The following SAFB2 variants were observed in gnomAD, a reference collection of about 807,000 sequenced individuals.
SAFB2 encodes scaffold attachment factor B2.
SAFB2 carries 32 observed loss-of-function variants against 100.6 expected under a neutral mutation model. The ratio of observed to expected loss-of-function variants is 0.32; its 90% CI spans 0.24 to 0.43. The LOEUF (loss-of-function observed/expected upper bound fraction) is 0.43. Ranked by LOEUF, SAFB2 falls within the 20% of genes least tolerant of loss-of-function variation. The pLI is 1.00. For synonymous variants in SAFB2, 500 were observed against 439.4 expected (o/e 1.14, Z -1.72); for missense variants, 1,185 against 1,163.4 (o/e 1.02, Z -0.27).
intron 4 of SAFB2, among the ~76,000 whole-genome samples, chr19:5,613,886 C>G (rs1386864402): frequency 6.6e-6 from 1 of 152,220 alleles, no homozygotes; most frequent in Non-Finnish European, 1.5e-5. Flanking sequence ...TCCAATTTCA[C>G]CTGGTAGCAA....
intron 15 of SAFB2, chr19:5,593,517 T>C (rs117565033): frequency 0.015 from 3,185 of 213,100 alleles, 44 homozygotes; most frequent in Admixed American, 0.019. Flanking sequence ...CAAGGACACA[T>C]GAGACCGGCA....
Position 5,593,880 on chromosome 19 carries a change from G to A in SAFB2, c.2207+11C>T, listed in dbSNP as rs1163629563. The A allele has an allele frequency of 6.8e-7, 1 of 1,479,592 alleles. No homozygotes were observed. The highest frequency in any genetic ancestry group is 1.4e-5 in the South Asian group (1 of 71,218). 91.7% of individuals were successfully genotyped at this position (1,479,592 alleles called of 1,614,324 possible). A position where few individuals can be genotyped will look rare whatever the true frequency, so the allele number is the denominator to read the frequency against. On this transcript the variant is annotated intron_variant, in intron 15 of 20. Coordinates refer to ENST00000252542, the MANE Select transcript of SAFB2 (RefSeq NM_014649.3). ...GGTCTCCGTCCTGCCCACGCTCTGGGCGGGACTCACCGGTCCAGGTCGTAG... is the reference window on the plus strand; with the variant it reads ...GGTCTCCGTCCTGCCCACGCTCTGGACGGGACTCACCGGTCCAGGTCGTAG...
intron 11 of SAFB2, among the ~76,000 whole-genome samples, chr19:5,600,793 A>C (rs2052639547): frequency 1.3e-5 from 2 of 152,152 alleles, no homozygotes; most frequent in Admixed American, 6.5e-5. Context: ...AGGGAGTTAA[A>C]ATAATGTGTT....
In SAFB2 at chr19:5,598,865, C is replaced by T; in HGVS notation, c.1710G>A (p.Arg570=). The stretch of plus-strand genomic sequence containing the variant: ...CTTTCGATTTATCCATCACGACCGT[C>T]CGCTCCATTCCTCTGCTTCCTTCAG... The part of the protein sequence containing the change: ...VTKSGSRGME[R]TVVMDKSKGE... Residue 570 remains arginine (R), a synonymous_variant, in exon 13 of 21, where the codon CGG becomes CGA. Transcript: ENST00000252542. 6.2e-7 allele frequency: 1 copy of T among 1,614,102 alleles called. No individual in the cohort carries two copies. Among genetic ancestry groups the T allele is most frequent in the Non-Finnish European group, 8.5e-7 (1 of 1,180,024 alleles).
At chr19:5,591,872 G>T in intron 16 of SAFB2, 79 bp from the exon 17 acceptor site, 1 of 1,375,484 alleles carries the variant, frequency 7.3e-7, no homozygotes, top group Non-Finnish European at 1.0e-6. Flanking sequence ...TTTCGCGACT[G>T]GGATACTTTT....
chr19:5,587,234 G>A lies in SAFB2; in HGVS notation c.*9C>T, dbSNP rs2052270660. ...GTCTGCCCACCCGAAAACTCGCAGC[G>A]AGTGGGACTTAGTAGCGGCGGGTGA... On this transcript the variant is annotated 3_prime_UTR_variant, in exon 21 of 21. Transcript: ENST00000252542. The surrounding 1 kb of genome is among the most constrained non-coding windows in gnomAD (Gnocchi z 4.9). 23 of 1,612,514 alleles carry A rather than the reference G, an allele frequency of 1.4e-5. No individual in the cohort carries two copies. Among genetic ancestry groups the A allele is most frequent in the Non-Finnish European group, 1.7e-5 (20 of 1,179,396 alleles).
intron 12 of SAFB2, among the ~76,000 whole-genome samples, 187 bp downstream of exon 12, chr19:5,599,943 T>C (rs1184104700): frequency 6.6e-6 from 1 of 152,186 alleles, no homozygotes; most frequent in South Asian, 2.1e-4. Context: ...CACTTCTGGA[T>C]TCCCGATGTT....
intron 11 of SAFB2, among the ~76,000 whole-genome samples, chr19:5,603,021 G>A (rs1307749712): frequency 6.8e-6 from 1 of 147,798 alleles, no homozygotes; most frequent in Non-Finnish European, 1.5e-5. Context: ...TATAATCCCA[G>A]TCTTTTGTGG....
intron 17 of SAFB2, among the ~76,000 whole-genome samples, chr19:5,590,779 C>G (rs1306713440): frequency 2.0e-5 from 3 of 152,062 alleles, no homozygotes; most frequent in African/African-American, 7.3e-5. Context: ...GTCAGCCCCC[C>G]TGTGCTCTGG....
chr19:5,616,683 C>T, intron 2 of SAFB2, among the ~76,000 whole-genome samples, 197 bp from the exon 3 acceptor site: 1 of 122,934 alleles, frequency 8.1e-6, no homozygotes, highest in Non-Finnish European at 1.6e-5. Flanking sequence ...ATGGAGTCTC[C>T]CTGTGTCACC....
At chr19:5,606,065 C>A in intron 9 of SAFB2, among the ~76,000 whole-genome samples, 1 of 152,206 alleles carries the variant, frequency 6.6e-6, no homozygotes, top group East Asian at 1.9e-4. Context: ...GGAACAACCA[C>A]TGGAGGGGCA....
intron 10 of SAFB2, 37 bp from the exon 11 acceptor site, chr19:5,604,732 A>G: frequency 6.2e-7 from 1 of 1,614,006 alleles, no homozygotes. Flanking sequence ...TGTGGCCCAG[A>G]GCTTCTCACT....
Position 5,604,695 on chromosome 19 carries a change from C to T in SAFB2, c.1447G>A (p.Ala483Thr), listed in dbSNP as rs1484084114. The part of the protein sequence containing the change: ...LHGRMISVEK[A>T]KNEPAGKKLS... ...TTTTTCCCAGCAGGCTCATTTTTGG[C>T]CTAAAATATAATAGACAGAAATGAT... The change falls in exon 11 of 21, where the codon GCC (alanine) becomes ACC (threonine). Residue 483 changes from alanine to threonine, a missense_variant and splice_region_variant. This residue lies in a region of SAFB2 where 94 missense variants were observed against 135.1 expected (regional missense o/e 0.70). Transcript: ENST00000252542. 6.2e-7 allele frequency: 1 copy of T among 1,614,124 alleles called. No individual in the cohort carries two copies. The highest frequency in any genetic ancestry group is 1.7e-5 in the Admixed American group (1 of 60,016).
intron 11 of SAFB2, among the ~76,000 whole-genome samples, chr19:5,601,487 G>A (rs1289231837): frequency 6.6e-6 from 1 of 152,090 alleles, no homozygotes; most frequent in Non-Finnish European, 1.5e-5. Flanking sequence ...AAGGTAGGCG[G>A]ATCACAAGGT....
chr19:5,594,707 A>G lies in SAFB2; in HGVS notation c.1920-529T>C, dbSNP rs2052499140. Among the ~76,000 whole-genome samples, 3 of 152,134 alleles carry G rather than the reference A, an allele frequency of 2.0e-5. No individual in the cohort carries two copies. In the South Asian group the frequency reaches 6.2e-4, roughly 32 times the overall value. ...CACACGGGCCAAGGTCCAACATCAG[A>G]GGAGGGGCGAAAATAGACTTTGAGC... On this transcript the variant is annotated intron_variant, in intron 14 of 20. Transcript: ENST00000252542.
In SAFB2 at chr19:5,591,769, C is replaced by G. The variant is rs1179951402; in HGVS notation, c.2373G>C (p.Met791Ile). The G allele has an allele frequency of 6.2e-7, 1 of 1,613,944 alleles. No individual in the cohort carries two copies. The highest frequency in any genetic ancestry group is 8.5e-7 in the Non-Finnish European group (1 of 1,179,972). Residue 791 changes from methionine (M) to isoleucine (I), a missense_variant, in exon 17 of 21, where the codon ATG becomes ATC. Physicochemically the swap from Met to Ile is conservative, Grantham distance 10 (BLOSUM62 1). Coordinates refer to ENST00000252542, the MANE Select transcript of SAFB2 (RefSeq NM_014649.3). ...TCACCTGCCCATCCCGGTGGTCTCC[C>G]ATCATTGGCCTCGAACCCTCCCGCC... ...IDRREGSRPMMGDHRDGQHYG... is the reference protein window; with the variant it reads ...IDRREGSRPMIGDHRDGQHYG...
chr19:5,594,999 C>G (rs2145322659), intron 14 of SAFB2, among the ~76,000 whole-genome samples: 1 of 152,298 alleles, frequency 6.6e-6, no homozygotes, highest in South Asian at 2.1e-4. Context: ...CAAGTGCACG[C>G]CACCATGCCC....
At chr19:5,606,676 AAGAG>A (rs980483932) in intron 9 of SAFB2, among the ~76,000 whole-genome samples, 1 of 152,200 alleles carries the variant, frequency 6.6e-6, no homozygotes, top group African/African-American at 2.4e-5. Flanking sequence ...GCCACAGAAA[AAGAG>A]AGAGAAAAGA....
At chr19:5,591,118 TG>T (rs1461218442) in intron 17 of SAFB2, among the ~76,000 whole-genome samples, 1 of 152,080 alleles carries the variant, frequency 6.6e-6, no homozygotes, top group African/African-American at 2.4e-5. Context: ...TTTGGGTTCT[TG>T]GGGGACCCCA....
Sources: gnomAD v4.1 joint callset for allele counts (sites outside exome capture counted in the v4.1 genomes callset) on GRCh38, gnomAD v4.1.1 for gene constraint, gnomAD v4.1.1 regional missense constraint, Gnocchi (gnomAD v3.1) non-coding constraint, MANE v1.5 for transcripts, NCBI Gene and HGNC (gene_info 2026-07-23, HGNC 2026-07-21) for gene names.